The following GOLPH3 variants were observed in gnomAD, a reference collection of about 807,000 sequenced individuals.
GOLPH3 encodes golgi phosphoprotein 3, also known as coat protein GPP34.
A neutral mutation model predicts 28.5 loss-of-function variants in GOLPH3; 14 were observed. The observed-to-expected ratio is 0.49, with a 90% CI of 0.32 to 0.77. GOLPH3 has a LOEUF of 0.77. Among genes scored for constraint, GOLPH3 ranks in the 30% least tolerant of loss-of-function variants. The probability of loss-of-function intolerance (pLI) is 0.03; values close to 1 mark genes in which losing one functional copy is unlikely to be tolerated. For synonymous variants in GOLPH3, 158 were observed against 159.2 expected (o/e 0.99, Z 0.06); for missense variants, 350 against 393.7 (o/e 0.89, Z 0.94).
chr5:32,146,266 G>C (rs1170171585), intron 1 of GOLPH3, among the ~76,000 whole-genome samples: 1 of 149,252 alleles, frequency 6.7e-6, no homozygotes, highest in Non-Finnish European at 1.5e-5. Context: ...CTCCAGCCTG[G>C]ATGACAGGAG....
chr5:32,157,425 G>C lies in GOLPH3; in HGVS notation c.226-13545C>G, dbSNP rs563842140. 7.2e-5 allele frequency among the ~76,000 whole-genome samples: 11 copies of C among 152,232 alleles called. No individual in the cohort carries two copies. The South Asian group carries it at 1.9e-3, about 26-fold the overall frequency. ...ATTTCAACCTTCGCAACAACCTTCT[G>C]AACTAAGTGCTATTATTATCAATCC... On this transcript the variant is annotated intron_variant, in intron 1 of 3. Coordinates refer to ENST00000265070, the MANE Select transcript of GOLPH3 (RefSeq NM_022130.4).
chr5:32,147,432 C>G (rs1281675798), intron 1 of GOLPH3, among the ~76,000 whole-genome samples: 1 of 145,952 alleles, frequency 6.9e-6, no homozygotes, highest in Admixed American at 6.8e-5. Flanking sequence ...GACTTCATCT[C>G]AAACAAAAAA....
rs188484159 is a variant in GOLPH3 at position 32,143,104 on chromosome 5, T to C, written c.357+645A>G. On this transcript the variant is annotated intron_variant, in intron 2 of 3. Transcript: ENST00000265070. ...GGAGACTTTTCATTTTGTTCTACAC[T>C]AAGAAAAATTCTTCTGCCTTGGGAT... 2.3e-3 allele frequency among the ~76,000 whole-genome samples: 357 copies of C among 152,382 alleles called. 3 individuals carry two copies. Among genetic ancestry groups the C allele is most frequent in the African/African-American group, 8.2e-3 (341 of 41,592 alleles).
chr5:32,161,112 A>G (rs1303442555), intron 1 of GOLPH3, among the ~76,000 whole-genome samples: 1 of 146,198 alleles, frequency 6.8e-6, no homozygotes, highest in Non-Finnish European at 1.5e-5. Flanking sequence ...CATCAAAAAG[A>G]TAAGGTGAGG....
intron 1 of GOLPH3, among the ~76,000 whole-genome samples, chr5:32,164,093 C>G (rs922914054): frequency 6.6e-6 from 1 of 152,152 alleles, no homozygotes; most frequent in Non-Finnish European, 1.5e-5. Flanking sequence ...CTCATAAGTT[C>G]CTACACGCAG....
At position 32,160,919 on chromosome 5, in the gene GOLPH3, T is replaced by C. The variant is rs565121795; in HGVS notation, c.225+12891A>G. On this transcript the variant is annotated intron_variant, in intron 1 of 3. Transcript: ENST00000265070. ...CGTCGCTACTAAAAATACAAAAAAT[T>C]AGCCAGGCGTGGTGGCGGGTGCCTG... Among the ~76,000 whole-genome samples, 6 of 151,634 alleles carry C rather than the reference T, an allele frequency of 4.0e-5. 1 individual carries two copies. In the East Asian group the frequency reaches 1.2e-3, roughly 30 times the overall value.
At chr5:32,137,684 T>C (rs185429879) in intron 2 of GOLPH3, among the ~76,000 whole-genome samples, 17 of 152,036 alleles carry the variant, frequency 1.1e-4, no homozygotes, top group South Asian at 4.2e-4. Flanking sequence ...CATTGAGATA[T>C]AGAATCCATT....
intron 1 of GOLPH3, among the ~76,000 whole-genome samples, chr5:32,151,872 G>C (rs1361017594): frequency 6.6e-6 from 1 of 152,156 alleles, no homozygotes; most frequent in Non-Finnish European, 1.5e-5. Context: ...GTCATGAAAA[G>C]ACAAAATACT....
chr5:32,143,151 A>G (rs1001341269), intron 2 of GOLPH3, among the ~76,000 whole-genome samples: 3 of 152,136 alleles, frequency 2.0e-5, no homozygotes, highest in Non-Finnish European at 4.4e-5. Flanking sequence ...GTGACCTTAA[A>G]CCCAACCCTG....
At chr5:32,151,206 A>C (rs2074317002) in intron 1 of GOLPH3, among the ~76,000 whole-genome samples, 1 of 151,166 alleles carries the variant, frequency 6.6e-6, no homozygotes, top group African/African-American at 2.4e-5. Context: ...TTAGTTCCTA[A>C]AAATAAAGTT....
chr5:32,140,495 TA>T (rs566905089), intron 2 of GOLPH3, among the ~76,000 whole-genome samples: 553 of 135,314 alleles, frequency 4.1e-3, no homozygotes, highest in African/African-American at 6.2e-3. Flanking sequence ...ACTAAACATA[TA>T]AAAAAAAAAA....
chr5:32,170,438 G>C (rs566085598), intron 1 of GOLPH3, among the ~76,000 whole-genome samples: 379 of 152,258 alleles, frequency 2.5e-3, no homozygotes, highest in Non-Finnish European at 4.2e-3. Flanking sequence ...GTAAAGTTTA[G>C]CTTTTAAAGT....
chr5:32,134,108 T>C (rs1028310786), intron 3 of GOLPH3, among the ~76,000 whole-genome samples: 1 of 152,216 alleles, frequency 6.6e-6, no homozygotes, highest in Non-Finnish European at 1.5e-5. Context: ...TGGTGATTCA[T>C]GCTTATAGTC....
intron 2 of GOLPH3, 68 bp from the exon 3 acceptor site, chr5:32,135,754 AAAAC>A (rs1745918265): frequency 5.9e-6 from 5 of 850,804 alleles, no homozygotes; most frequent in South Asian, 2.9e-5. Context: ...CATTAAATGA[AAAAC>A]AAACAATTAT....
chr5:32,136,724 TG>T (rs1436994680), intron 2 of GOLPH3, among the ~76,000 whole-genome samples: 1 of 152,190 alleles, frequency 6.6e-6, no homozygotes, highest in African/African-American at 2.4e-5. Flanking sequence ...ATGCATCCAT[TG>T]GAACATTCTG....
intron 3 of GOLPH3, 76 bp downstream of exon 3, chr5:32,135,496 G>A: frequency 1.1e-6 from 1 of 884,808 alleles, no homozygotes; most frequent in Non-Finnish European, 1.9e-6. Context: ...ATTTTGTGTA[G>A]GTTCCTTTCA....
At chr5:32,158,289 AAAAC>A in intron 1 of GOLPH3, among the ~76,000 whole-genome samples, 1 of 151,908 alleles carries the variant, frequency 6.6e-6, no homozygotes, top group East Asian at 1.9e-4. Context: ...TTACTTCACA[AAAAC>A]AAACCAACTC....
intron 1 of GOLPH3, among the ~76,000 whole-genome samples, chr5:32,169,514 A>C (rs966819486): frequency 1.3e-5 from 2 of 152,226 alleles, no homozygotes; most frequent in Non-Finnish European, 2.9e-5. Flanking sequence ...GCTGTTCCAT[A>C]GGCATACTCC....
intron 1 of GOLPH3, among the ~76,000 whole-genome samples, chr5:32,152,271 C>T (rs778637093): frequency 6.6e-6 from 1 of 151,530 alleles, no homozygotes; most frequent in Non-Finnish European, 1.5e-5. Context: ...GGACTACAGG[C>T]GTGCGCCACC....
Sources: gnomAD v4.1 joint callset for allele counts (sites outside exome capture counted in the v4.1 genomes callset) on GRCh38, gnomAD v4.1.1 for gene constraint, MANE v1.5 for transcripts, NCBI Gene and HGNC (gene_info 2026-07-23, HGNC 2026-07-21) for gene names.